ADGRF5: variants seen among roughly 807,000 people sequenced by gnomAD.
ADGRF5 encodes the protein G-protein coupled receptor 116.
ADGRF5 carries 75 observed loss-of-function variants against 132.3 expected under a neutral mutation model. The observed-to-expected ratio is 0.57, with a 90% CI of 0.47 to 0.69. The LOEUF (loss-of-function observed/expected upper bound fraction) is 0.69, where lower values mean the gene tolerates loss of function less well. Among genes scored for constraint, ADGRF5 ranks in the 30% least tolerant of loss-of-function variants. The pLI is 0.00. For synonymous variants in ADGRF5, 629 were observed against 597.6 expected, an observed-to-expected ratio of 1.05 and a Z score of -0.77; for missense variants, 1,516 against 1,630.6, an observed-to-expected ratio of 0.93 and a Z score of 1.21.
chr6:46,860,849 G>C lies in ADGRF5; in HGVS notation c.2245C>G (p.Leu749Val), dbSNP rs1440107664. ...TCTATGCTAATAGAAAGATCCTTCA[G>C]GTATGTAGGGAGCATCTCATCCTGA... is the stretch of plus-strand genomic sequence containing the variant. Reference protein sequence around the residue: ...PSQDEMLPTYLKDLSISIDKA... With the variant: ...PSQDEMLPTYVKDLSISIDKA... The change falls in exon 16 of 21, where the codon CTG (leucine) becomes GTG (valine). Residue 749 changes from leucine (L) to valine (V), a missense_variant. Physicochemically the swap from Leu to Val is conservative, Grantham distance 32 (BLOSUM62 1). This residue lies in a region of ADGRF5 where 945 missense variants were observed against 929.4 expected (regional missense o/e 1.02). Transcript: ENST00000283296. 6.2e-7 allele frequency: 1 copy of C among 1,613,588 alleles called. No homozygotes were observed. Among genetic ancestry groups the C allele is most frequent in the East Asian group, 2.2e-5 (1 of 44,872 alleles).
chr6:46,904,588 G>C (rs955205428), intron 2 of ADGRF5, among the ~76,000 whole-genome samples: 1 of 152,118 alleles, frequency 6.6e-6, no homozygotes, highest in African/African-American at 2.4e-5. Flanking sequence ...TATAGAGTTT[G>C]AGTTTTGCAA....
intron 1 of ADGRF5, among the ~76,000 whole-genome samples, chr6:46,931,594 C>G (rs760055770): frequency 6.6e-6 from 1 of 152,232 alleles, no homozygotes; most frequent in Non-Finnish European, 1.5e-5. Context: ...TCCCTCCTCT[C>G]GGTCTCCTTA....
intron 10 of ADGRF5, among the ~76,000 whole-genome samples, chr6:46,877,839 T>C (rs1159471213): frequency 1.3e-5 from 2 of 152,308 alleles, no homozygotes; most frequent in Middle Eastern, 3.4e-3. Context: ...CAGACCTCAA[T>C]GACAAATGAC....
intron 20 of ADGRF5, among the ~76,000 whole-genome samples, chr6:46,854,276 C>A (rs1210465428): frequency 6.6e-6 from 1 of 152,160 alleles, no homozygotes; most frequent in Admixed American, 6.5e-5. Flanking sequence ...GCATGCGTGG[C>A]AGCCAACAAG....
chr6:46,886,566 A>G (rs1056946672), intron 4 of ADGRF5: 1 of 152,232 alleles, frequency 6.6e-6, no homozygotes, highest in Non-Finnish European at 1.5e-5. Context: ...ACCACCTGAC[A>G]TATCCCAGGT....
intron 1 of ADGRF5, among the ~76,000 whole-genome samples, chr6:46,920,525 T>G (rs1776818375): frequency 1.1e-4 from 4 of 37,814 alleles, no homozygotes; most frequent in Non-Finnish European, 1.6e-4. Context: ...AGAATAATAT[T>G]TGGGGGGGGG....
rs535327039 is a variant in ADGRF5 at position 46,930,158 on chromosome 6, G to C, written c.-24-23372C>G. 2.5e-3 allele frequency among the ~76,000 whole-genome samples: 375 copies of C among 152,230 alleles called. 3 individuals are homozygous for C. Among genetic ancestry groups the C allele is most frequent in the African/African-American group, 7.7e-3 (319 of 41,510 alleles). On this transcript the variant is annotated intron_variant, in intron 1 of 20. Transcript: ENST00000265417. ...ATTCTTTCATGGAAGAATGTTAAGTGGTTCTTTTTAACATATTAGAATACA... is the reference window on the plus strand; with the variant it reads ...ATTCTTTCATGGAAGAATGTTAAGTCGTTCTTTTTAACATATTAGAATACA...
intron 1 of ADGRF5, among the ~76,000 whole-genome samples, chr6:46,912,615 T>C (rs894502026): frequency 6.6e-6 from 1 of 152,086 alleles, no homozygotes; most frequent in Non-Finnish European, 1.5e-5. Context: ...GAACAAGTCC[T>C]ACAGAATTCC....
intron 1 of ADGRF5, among the ~76,000 whole-genome samples, chr6:46,913,738 G>A (rs1776188594): frequency 6.6e-6 from 1 of 152,188 alleles, no homozygotes; most frequent in Non-Finnish European, 1.5e-5. Flanking sequence ...TTTGTAAATT[G>A]AAGTAGAAGG....
rs1293824742 is a variant in ADGRF5 at position 46,858,724 on chromosome 6, G to C, written c.3179C>G (p.Ser1060Cys). 2.5e-6 allele frequency: 4 copies of C among 1,614,026 alleles called. No individual in the cohort carries two copies. The change falls in exon 17 of 21, where the codon TCC becomes TGC. Residue 1060 changes from serine (S) to cysteine (C), a missense_variant. Ser to Cys is a moderately radical substitution (Grantham distance 112). Coordinates refer to ENST00000283296, the MANE Select transcript of ADGRF5 (RefSeq NM_001098518.2). ...RHTCIVNIAA[S>C]LLVANTWFIV... ...GAACCAGGTGTTGGCGACCAGAAGG[G>C]AGGCAGCGATATTCACTATGCAGGT... is the stretch of plus-strand genomic sequence containing the variant.
chr6:46,929,620 C>T (rs1003562700), intron 1 of ADGRF5, among the ~76,000 whole-genome samples: 1 of 150,780 alleles, frequency 6.6e-6, no homozygotes, highest in African/African-American at 2.4e-5. Context: ...TATCCATATA[C>T]CTAATGTCTA....
chr6:46,864,384 G>A (rs943106430), intron 14 of ADGRF5, among the ~76,000 whole-genome samples: 1 of 152,166 alleles, frequency 6.6e-6, no homozygotes, highest in African/African-American at 2.4e-5. Context: ...ACAGTGCAGT[G>A]TGGACACCTT....
At chr6:46,914,842 GT>G (rs901260096) in intron 1 of ADGRF5, among the ~76,000 whole-genome samples, 4 of 151,710 alleles carry the variant, frequency 2.6e-5, no homozygotes, top group Non-Finnish European at 5.9e-5. Flanking sequence ...TTTGTTGTTT[GT>G]TTTTATTTTT....
In ADGRF5 at chr6:46,853,201, C is replaced by T. The variant is rs1479122839; in HGVS notation, c.*791G>A. The T allele has an allele frequency of 6.6e-6, 1 of 152,214 alleles. No homozygotes were observed. Among genetic ancestry groups the T allele is most frequent in the Non-Finnish European group, 1.5e-5 (1 of 68,024 alleles). The allele number at this position is 152,214 out of a possible 1,614,324, so 9.4% of individuals were successfully genotyped here. A position where few individuals can be genotyped will look rare whatever the true frequency, so the allele number is the denominator to read the frequency against. On this transcript the variant is annotated 3_prime_UTR_variant, in exon 21 of 21. Transcript: ENST00000283296. ...GCAGATACATTCACTTAGTTCAAAC[C>T]TTAACATACAAAGTTAGTCTCAGGA...
At chr6:46,888,663 G>A (rs1305837783) in intron 3 of ADGRF5, among the ~76,000 whole-genome samples, 158 bp from the exon 4 acceptor site, 2 of 152,176 alleles carry the variant, frequency 1.3e-5, no homozygotes, top group Non-Finnish European at 2.9e-5. Context: ...AGAAAAAGAA[G>A]GTTTATTTAC....
At chr6:46,859,863 T>G (rs547301062) in intron 16 of ADGRF5, among the ~76,000 whole-genome samples, 1 of 123,398 alleles carries the variant, frequency 8.1e-6, no homozygotes, top group African/African-American at 2.7e-5. Flanking sequence ...CTTAAGCCTA[T>G]ATTTTTAGTA....
chr6:46,899,677 GT>G (rs777077950), intron 3 of ADGRF5, among the ~76,000 whole-genome samples: 59 of 144,572 alleles, frequency 4.1e-4, no homozygotes, highest in South Asian at 2.0e-3. Flanking sequence ...TGTTTGTTTT[GT>G]TTTTTTTTTT....
chr6:46,882,130 T>A, intron 6 of ADGRF5, 23 bp from the exon 7 acceptor site: 4 of 1,558,662 alleles, frequency 2.6e-6, no homozygotes, highest in Non-Finnish European at 3.5e-6. Flanking sequence ...GCAAGATGAA[T>A]GTCATATATC....
chr6:46,926,003 G>A (rs1777227054), upstream of ADGRF5, among the ~76,000 whole-genome samples: 1 of 152,070 alleles, frequency 6.6e-6, no homozygotes, highest in Non-Finnish European at 1.5e-5. Context: ...TCTATATTGA[G>A]GCCAAGAAAA....
Sources: gnomAD v4.1 joint callset for allele counts (sites outside exome capture counted in the v4.1 genomes callset) on GRCh38, gnomAD v4.1.1 for gene constraint, gnomAD v4.1.1 regional missense constraint, MANE v1.5 for transcripts, NCBI Gene and HGNC (gene_info 2026-07-23, HGNC 2026-07-21) for gene names.